Variants in TENM3 observed in about 807,000 individuals in gnomAD.
The protein encoded by TENM3 is teneurin-3.
In TENM3, 63 loss-of-function variants were observed where a neutral mutation model predicts 255.1. The observed-to-expected ratio is 0.25, with a 90% confidence interval of 0.20 to 0.30. The LOEUF (loss-of-function observed/expected upper bound fraction) is 0.30, where lower values mean the gene tolerates loss of function less well. Ranked by LOEUF, TENM3 falls within the 10% of genes least tolerant of loss-of-function variation. The pLI, the probability that TENM3 is intolerant of heterozygous loss-of-function variation, is 1.00. For missense variants in TENM3, 2,929 were observed against 3,461.1 expected, an observed-to-expected ratio of 0.85 and a Z score of 3.86; for synonymous variants, 1,306 against 1,322.3, an observed-to-expected ratio of 0.99 and a Z score of 0.27.
chr4:181,851,137 C>T, the TENM3 span, among the ~76,000 whole-genome samples: 1 of 152,278 alleles, frequency 6.6e-6, no homozygotes, highest in African/African-American at 2.4e-5. Flanking sequence ...CTACAAGACC[C>T]CCTTATTTCC....
chr4:182,263,807 T>A (rs111444512), intron 1 of TENM3, among the ~76,000 whole-genome samples: 154 of 152,302 alleles, frequency 1.0e-3, no homozygotes, highest in African/African-American at 3.5e-3. Flanking sequence ...AGTCAGAGGT[T>A]GGATTAAAGA....
chr4:182,213,863 G>C (rs376967502), intron 1 of TENM3, among the ~76,000 whole-genome samples: 71 of 152,108 alleles, frequency 4.7e-4, no homozygotes, highest in African/African-American at 1.6e-3. Flanking sequence ...GTGCAGTGGC[G>C]CGATCTCGGC....
chr4:182,676,959 C>A (rs911193788), intron 7 of TENM3, among the ~76,000 whole-genome samples: 2 of 152,026 alleles, frequency 1.3e-5, no homozygotes, highest in Non-Finnish European at 2.9e-5. Flanking sequence ...CCAAGAATTT[C>A]TTCCTAAAAA....
Position 182,657,979 on chromosome 4 carries a change from G to A in TENM3, c.1111+4086G>A, listed in dbSNP as rs557233918. ...TGCTTCCAGCCTTCTTGAACATAGT[G>A]TGCTTAGTCACTTTGATCACTTCTC... is the stretch of plus-strand genomic sequence containing the variant. On this transcript the variant is annotated intron_variant, in intron 6 of 27. Transcript: ENST00000511685. Among the ~76,000 whole-genome samples, 28 of 152,266 alleles carry A rather than the reference G, an allele frequency of 1.8e-4. No homozygotes were observed. The South Asian group carries it at 1.9e-3, about 10-fold the overall frequency.
chr4:182,049,574 TC>T, the TENM3 span, among the ~76,000 whole-genome samples: 1 of 152,226 alleles, frequency 6.6e-6, no homozygotes, highest in Non-Finnish European at 1.5e-5. Context: ...ACGCATAACG[TC>T]TCTCACTGAC....
intron 3 of TENM3, among the ~76,000 whole-genome samples, chr4:182,469,752 G>A (rs932402389): frequency 3.3e-5 from 5 of 151,014 alleles, no homozygotes; most frequent in African/African-American, 1.2e-4. Flanking sequence ...CCAGCTTTCT[G>A]GATGCTTAAC....
chr4:182,319,423 C>T (rs1232218670), intron 1 of TENM3, among the ~76,000 whole-genome samples: 3 of 151,826 alleles, frequency 2.0e-5, no homozygotes, highest in African/African-American at 4.8e-5. Flanking sequence ...ATTAAATCCT[C>T]GAAGAGTTTG....
At chr4:181,861,087 C>G in the TENM3 span, among the ~76,000 whole-genome samples, 2 of 152,192 alleles carry the variant, frequency 1.3e-5, no homozygotes, top group South Asian at 4.1e-4. Flanking sequence ...AAATCTTCAG[C>G]AGGCCTTGTG....
At chr4:181,652,277 C>A in the TENM3 span, among the ~76,000 whole-genome samples, 1 of 152,128 alleles carries the variant, frequency 6.6e-6, no homozygotes, top group South Asian at 2.1e-4. Context: ...TTGGACCAAT[C>A]GCAATGTTGC....
chr4:182,437,615 G>C (rs1355143392), intron 3 of TENM3, among the ~76,000 whole-genome samples: 1 of 152,144 alleles, frequency 6.6e-6, no homozygotes, highest in African/African-American at 2.4e-5. Context: ...GGCCAACATG[G>C]TGAAACTCCA....
chr4:181,586,113 G>A, the TENM3 span, among the ~76,000 whole-genome samples: 16,853 of 152,182 alleles, frequency 0.11, 992 homozygotes, highest in Middle Eastern at 0.13. Context: ...GAGGGAAGGG[G>A]AAGACTTGAA....
At chr4:181,896,332 T>G in the TENM3 span, among the ~76,000 whole-genome samples, 1 of 152,194 alleles carries the variant, frequency 6.6e-6, no homozygotes, top group South Asian at 2.1e-4. Flanking sequence ...CTGTTGCCTA[T>G]GAAATGAAAG....
the TENM3 span, among the ~76,000 whole-genome samples, chr4:181,618,669 C>G: frequency 1.3e-5 from 2 of 152,182 alleles, no homozygotes; most frequent in Non-Finnish European, 2.9e-5. Flanking sequence ...ACTTATTTCT[C>G]TTGGGATTTC....
At chr4:181,949,023 A>AG in the TENM3 span, among the ~76,000 whole-genome samples, 1 of 152,244 alleles carries the variant, frequency 6.6e-6, no homozygotes, top group South Asian at 2.1e-4. Flanking sequence ...GCCAGTACAA[A>AG]GGGGAGGCTA....
chr4:181,671,657 C>T, the TENM3 span, among the ~76,000 whole-genome samples: 4 of 152,142 alleles, frequency 2.6e-5, no homozygotes, highest in Admixed American at 6.6e-5. Flanking sequence ...GTCCAAGCAG[C>T]GTACAATAAT....
chr4:182,101,264 A>AAGGGAGGG, the TENM3 span, among the ~76,000 whole-genome samples: 3 of 6,062 alleles, frequency 4.9e-4, 1 homozygote, highest in East Asian at 0.01. Flanking sequence ...GGAAGGAAAG[A>AAGGGAGGG]AGGAAGGAAG....
the TENM3 span, among the ~76,000 whole-genome samples, chr4:181,612,600 C>A: frequency 6.6e-6 from 1 of 151,920 alleles, no homozygotes; most frequent in Non-Finnish European, 1.5e-5. Flanking sequence ...TGGGGCAATA[C>A]CTCATTGTGT....
the TENM3 span, among the ~76,000 whole-genome samples, chr4:181,705,887 G>A: frequency 9.2e-5 from 14 of 152,142 alleles, no homozygotes; most frequent in South Asian, 4.1e-4. Flanking sequence ...CTACACTATC[G>A]TGTACTGGTT....
chr4:181,529,558 G>A, the TENM3 span, among the ~76,000 whole-genome samples: 1 of 152,184 alleles, frequency 6.6e-6, no homozygotes, highest in Non-Finnish European at 1.5e-5. Context: ...ATCACGTGGG[G>A]TGGGGGGTTG....
Sources: gnomAD v4.1 joint callset for allele counts (sites outside exome capture counted in the v4.1 genomes callset) on GRCh38, gnomAD v4.1.1 for gene constraint, MANE v1.5 for transcripts, NCBI Gene and HGNC (gene_info 2026-07-23, HGNC 2026-07-21) for gene names.